Variants in CFAP20DC observed in about 807,000 individuals in gnomAD.
CFAP20DC encodes the protein CFAP20 domain containing.
CFAP20DC carries 84 observed loss-of-function variants against 101.7 expected under a neutral mutation model. The ratio of observed to expected loss-of-function variants is 0.83; its 90% CI spans 0.69 to 0.99. The LOEUF is 0.99. CFAP20DC is among the 50% of genes least tolerant of loss of function. The probability of loss-of-function intolerance (pLI) is 0.00; values close to 1 mark genes in which losing one functional copy is unlikely to be tolerated. For missense variants in CFAP20DC, 1,007 were observed against 970.3 expected, an observed-to-expected ratio of 1.04 and a Z score of -0.50; for synonymous variants, 359 against 351.2, an observed-to-expected ratio of 1.02 and a Z score of -0.25.
At position 58,913,231 on chromosome 3, in the gene CFAP20DC, T is replaced by C. The variant is rs2084329977; in HGVS notation, c.550+477A>G. Among the ~76,000 whole-genome samples the C allele has an allele frequency of 6.6e-6, 1 of 152,136 alleles. No individual in the cohort carries two copies. The highest frequency in any genetic ancestry group is 2.1e-4 in the South Asian group (1 of 4,828). Reference sequence around the variant, plus strand: ...TATGATGTGACTTATGGAGTCTCTGTATAGTTGCAGTAGCTACTGGCAGTG... The same window carrying C: ...TATGATGTGACTTATGGAGTCTCTGCATAGTTGCAGTAGCTACTGGCAGTG... On this transcript the variant is annotated intron_variant, in intron 6 of 16. Coordinates refer to ENST00000482387, the MANE Select transcript of CFAP20DC (RefSeq NM_001394063.1). The surrounding 1 kb of genome is among the most constrained non-coding windows in gnomAD (Gnocchi z 4.4).
chr3:58,922,652 G>A (rs1057347579), intron 5 of CFAP20DC, among the ~76,000 whole-genome samples: 1 of 152,118 alleles, frequency 6.6e-6, no homozygotes, highest in Admixed American at 6.6e-5. Context: ...GATGCAGTCC[G>A]AGGCTCTTCC....
chr3:58,918,239 C>T (rs2084951705), intron 5 of CFAP20DC, among the ~76,000 whole-genome samples: 1 of 152,100 alleles, frequency 6.6e-6, no homozygotes, highest in Non-Finnish European at 1.5e-5. Flanking sequence ...GGCCAAGGGG[C>T]TGGGAGGCAG....
intron 13 of CFAP20DC, among the ~76,000 whole-genome samples, chr3:58,843,303 C>G (rs1262066273): frequency 1.3e-5 from 2 of 151,574 alleles, no homozygotes; most frequent in African/African-American, 2.4e-5. Context: ...ATAACCAATA[C>G]AGAGAAGTGC....
intron 3 of CFAP20DC, chr3:58,734,509 C>T: frequency 2.2e-6 from 1 of 455,862 alleles, no homozygotes; most frequent in Non-Finnish European, 4.4e-6. Flanking sequence ...GTCCATTTGT[C>T]AGCATCTTGG....
intron 14 of CFAP20DC, among the ~76,000 whole-genome samples, chr3:58,812,975 G>C (rs2074788832): frequency 6.6e-6 from 1 of 151,840 alleles, no homozygotes; most frequent in South Asian, 2.1e-4. Flanking sequence ...TAATGCTGCA[G>C]TTCAACCATC....
chr3:58,723,536 T>C (rs1238921520), intron 3 of CFAP20DC, among the ~76,000 whole-genome samples: 2 of 152,262 alleles, frequency 1.3e-5, no homozygotes, highest in African/African-American at 4.8e-5. Flanking sequence ...AGGATTCTTG[T>C]ACCTTCATTG....
At chr3:59,034,309 A>G (rs1303478821) in intron 4 of CFAP20DC, among the ~76,000 whole-genome samples, 1 of 152,244 alleles carries the variant, frequency 6.6e-6, no homozygotes, top group Non-Finnish European at 1.5e-5. Flanking sequence ...ATAACCAGCT[A>G]GCATCATAAT....
At chr3:58,765,043 G>A (rs532056338) in intron 15 of CFAP20DC, among the ~76,000 whole-genome samples, 6 of 152,216 alleles carry the variant, frequency 3.9e-5, no homozygotes, top group East Asian at 3.9e-4. Context: ...AATCTTGGCC[G>A]TAAAGGAATA....
At chr3:59,024,628 GA>G (rs1173735382) in intron 4 of CFAP20DC, among the ~76,000 whole-genome samples, 5 of 150,910 alleles carry the variant, frequency 3.3e-5, no homozygotes, top group Admixed American at 6.6e-5. Context: ...CAATTTATGA[GA>G]AAAAAAAATA....
intron 15 of CFAP20DC, among the ~76,000 whole-genome samples, chr3:58,786,461 T>C (rs1187713220): frequency 6.6e-6 from 1 of 152,078 alleles, no homozygotes; most frequent in African/African-American, 2.4e-5. Flanking sequence ...AAATGGAAAA[T>C]TTCAGCAATA....
At chr3:58,981,251 G>T (rs2092529799) in intron 4 of CFAP20DC, among the ~76,000 whole-genome samples, 1 of 152,094 alleles carries the variant, frequency 6.6e-6, no homozygotes, top group Admixed American at 6.6e-5. Context: ...TGGGTAGGAA[G>T]AATCAATATC....
intron 12 of CFAP20DC, among the ~76,000 whole-genome samples, chr3:58,851,310 T>C (rs2078209977): frequency 6.6e-6 from 1 of 152,162 alleles, no homozygotes; most frequent in African/African-American, 2.4e-5. Context: ...ATCAGTAGAC[T>C]ATTGTATTGT....
chr3:58,911,210 A>G (rs1259310446), intron 6 of CFAP20DC, among the ~76,000 whole-genome samples: 1 of 152,182 alleles, frequency 6.6e-6, no homozygotes, highest in Non-Finnish European at 1.5e-5. Context: ...ACCATTATTC[A>G]TAACAGCTGA....
rs556651402 is a variant in CFAP20DC at position 58,914,798 on chromosome 3, C to T, written c.394-934G>A. 5.2e-4 allele frequency: 79 copies of T among 150,974 alleles called. 1 individual carries two copies. The highest frequency in any genetic ancestry group is 1.9e-3 in the African/African-American group (77 of 41,092). 9.4% of individuals were successfully genotyped at this position (150,974 alleles called of 1,614,324 possible). On this transcript the variant is annotated intron_variant, in intron 5 of 16. Transcript: ENST00000482387. The surrounding 1 kb of genome is among the most constrained non-coding windows in gnomAD (Gnocchi z 4.9). Reference sequence around the variant, plus strand: ...CCACAGTAGAAAAAGTAAAAGAGACCGAAATACATTATTTATTAAATACAT... The same window carrying T: ...CCACAGTAGAAAAAGTAAAAGAGACTGAAATACATTATTTATTAAATACAT...
rs540813838 is a variant in CFAP20DC at position 58,927,253 on chromosome 3, T to C, written c.393+10395A>G. 2.0e-5 allele frequency among the ~76,000 whole-genome samples: 3 copies of C among 152,330 alleles called. No homozygotes were observed. The South Asian group carries it at 6.2e-4, about 32-fold the overall frequency. On this transcript the variant is annotated intron_variant, in intron 5 of 16. Coordinates refer to ENST00000482387, the MANE Select transcript of CFAP20DC (RefSeq NM_001394063.1). ...GTGGCCCATATATAAATATTCATTT[T>C]GGTGTGGCTAGAAGAATATTAACTT... is the stretch of plus-strand genomic sequence containing the variant.
At position 59,002,359 on chromosome 3, in the gene CFAP20DC, A is replaced by G. The variant is rs149529722; in HGVS notation, c.278+37198T>C. Among the ~76,000 whole-genome samples the G allele has an allele frequency of 6.7e-4, 102 of 152,356 alleles. 2 individuals carry two copies. In the East Asian group the frequency reaches 0.019, roughly 28 times the overall value. ...TTCTAAACAAAAATCATTTGGAAAA[A>G]TTAATGCTTCTAAATGGCATAACCA... is the stretch of plus-strand genomic sequence containing the variant. On this transcript the variant is annotated intron_variant, in intron 4 of 16. Transcript: ENST00000482387. The surrounding 1 kb of genome is among the most constrained non-coding windows in gnomAD (Gnocchi z 4.5).
rs868031203 is a variant in CFAP20DC at position 58,799,745 on chromosome 3, G to C, written c.2237+6650C>G. On this transcript the variant is annotated intron_variant, in intron 15 of 16. Transcript: ENST00000482387. This position sits in a 1 kb window ranked among gnomAD's most constrained non-coding sequence, Gnocchi z 4.9. Reference sequence around the variant, plus strand: ...TCTGTGTGTGTGTCTGTGTGTGTGTGTGTGTGTGTGTGTGTGTGTGTGTAG... The same window carrying C: ...TCTGTGTGTGTGTCTGTGTGTGTGTCTGTGTGTGTGTGTGTGTGTGTGTAG... Among the ~76,000 whole-genome samples the C allele has an allele frequency of 6.8e-6, 1 of 147,132 alleles. No individual in the cohort carries two copies. Among genetic ancestry groups the C allele is most frequent in the Admixed American group, 6.7e-5 (1 of 14,908 alleles).
intron 15 of CFAP20DC, among the ~76,000 whole-genome samples, chr3:58,787,102 G>A (rs2072413504): frequency 2.0e-5 from 3 of 151,764 alleles, no homozygotes; most frequent in African/African-American, 7.2e-5. Flanking sequence ...AAATATAAAA[G>A]TAATTTTATA....
rs375261376 is a variant in CFAP20DC at position 59,001,546 on chromosome 3, G to C, written c.278+38011C>G. ...CCTGCCTCAGCCTCCCGAATAGCTG[G>C]GATTATAGGCATGCGCCACCACGCC... On this transcript the variant is annotated intron_variant, in intron 4 of 16. Coordinates refer to ENST00000482387, the MANE Select transcript of CFAP20DC (RefSeq NM_001394063.1). This position sits in a 1 kb window ranked among gnomAD's most constrained non-coding sequence, Gnocchi z 4.5. 2.0e-5 allele frequency among the ~76,000 whole-genome samples: 3 copies of C among 152,124 alleles called. No homozygotes were observed. The highest frequency in any genetic ancestry group is 7.2e-5 in the African/African-American group (3 of 41,412).
Sources: allele counts gnomAD v4.1 joint callset (sites outside exome capture counted in the v4.1 genomes callset), GRCh38; gene constraint gnomAD v4.1.1; non-coding constraint Gnocchi (gnomAD v3.1); transcripts MANE v1.5; gene names NCBI Gene and HGNC (gene_info 2026-07-23, HGNC 2026-07-21).